The following SH3TC2 variants were observed in gnomAD, a reference collection of about 807,000 sequenced individuals.
SH3TC2 encodes SH3 domain and tetratricopeptide repeats 2.
A neutral mutation model predicts 124.5 loss-of-function variants in SH3TC2; 87 were observed. That is an observed-to-expected ratio of 0.70 (90% CI 0.59 to 0.84). The LOEUF is 0.84. Among genes scored for constraint, SH3TC2 ranks in the 40% least tolerant of loss-of-function variants. SH3TC2 has a pLI of 0.00. For missense variants in SH3TC2, 1,536 were observed against 1,566.4 expected, an observed-to-expected ratio of 0.98 and a Z score of 0.33; for synonymous variants, 634 against 628.5, an observed-to-expected ratio of 1.01 and a Z score of -0.13.
intron 8 of SH3TC2, among the ~76,000 whole-genome samples, chr5:149,037,805 A>G (rs1345002370): frequency 6.6e-6 from 1 of 152,160 alleles, no homozygotes. Flanking sequence ...AAGGCAGAAA[A>G]GAGTAAGAGA....
rs2127396644 is a variant in SH3TC2 at position 149,025,838 on chromosome 5, A to T, written c.3053+734T>A. ...AGGATTTTTAAGGTAGTCCTAAAAA[A>T]TCAATCACAAAACAAAGAATGCTCC... On this transcript the variant is annotated intron_variant, in intron 12 of 16. Transcript: ENST00000515425. The T allele has an allele frequency of 1.3e-5, 2 of 152,388 alleles. 1 individual carries two copies. The highest frequency in any genetic ancestry group is 4.1e-4 in the South Asian group (2 of 4,830). The allele number at this position is 152,388 out of a possible 1,614,324, so 9.4% of individuals were successfully genotyped here. A position where few individuals can be genotyped will look rare whatever the true frequency, so the allele number is the denominator to read the frequency against.
At chr5:149,050,104 G>T (rs1347049749) in intron 2 of SH3TC2, among the ~76,000 whole-genome samples, 2 of 152,136 alleles carry the variant, frequency 1.3e-5, no homozygotes, top group African/African-American at 4.8e-5. Flanking sequence ...CCATGCACAT[G>T]AATCTATGTA....
In SH3TC2 at chr5:149,041,612, A is replaced by C. The variant is rs1754373983; in HGVS notation, c.535T>G (p.Phe179Val). The C allele has an allele frequency of 6.2e-7, 1 of 1,614,182 alleles. No homozygotes were observed. The change falls in exon 6 of 17, where the codon TTC becomes GTC. Residue 179 changes from phenylalanine (F) to valine (V), a missense_variant. Coordinates refer to ENST00000515425, the MANE Select transcript of SH3TC2 (RefSeq NM_024577.4). ...ACGGAGCACAGGGCTCTGCAGAAGA[A>C]GTGGCCTGTGGATAATGAGAAAAGC... is the stretch of plus-strand genomic sequence containing the variant. ...YLGLLIQEGHFFCRALCSVTP... is the reference protein window; with the variant it reads ...YLGLLIQEGHVFCRALCSVTP...
At position 149,027,923 on chromosome 5, in the gene SH3TC2, AG is replaced by A; in HGVS notation, c.1808del (p.Pro603LeufsTer42). 1 of 1,614,078 alleles carries A rather than the reference AG, an allele frequency of 6.2e-7. No homozygotes were observed. The highest frequency in any genetic ancestry group is 1.3e-5 in the African/African-American group (1 of 75,068). On this transcript the variant is annotated frameshift_variant, in exon 11 of 17. Transcript: ENST00000515425. LOFTEE classifies it high-confidence loss of function. ...EKAGALLACL[P>X]DRESSAKHEL... Reference sequence around the variant, plus strand: ...CATGCTTGGCACTAGACTCACGGTCAGGCAGGCAGGCCAGCAGGGCACCTGC... The same window carrying A: ...CATGCTTGGCACTAGACTCACGGTCAGCAGGCAGGCCAGCAGGGCACCTGC...
At chr5:149,008,754 C>T (rs1753733051) in intron 15 of SH3TC2, 97 bp downstream of exon 15, 3 of 1,550,850 alleles carry the variant, frequency 1.9e-6, no homozygotes, top group Non-Finnish European at 2.7e-6. Flanking sequence ...TGAACCCACA[C>T]AGTCTGACTC....
At chr5:149,058,679 AGCTT>A (rs1754693130) in intron 1 of SH3TC2, among the ~76,000 whole-genome samples, 1 of 151,836 alleles carries the variant, frequency 6.6e-6, no homozygotes, top group Non-Finnish European at 1.5e-5. Flanking sequence ...GGTGGGAATG[AGCTT>A]TGTACATACA....
At chr5:149,034,755 A>T (rs1462116695) in intron 8 of SH3TC2, among the ~76,000 whole-genome samples, 1 of 152,194 alleles carries the variant, frequency 6.6e-6, no homozygotes, top group Non-Finnish European at 1.5e-5. Context: ...TCATTAATGA[A>T]GTATCATTAT....
rs1369937846 is a variant in SH3TC2, at chr5:149,004,890, C to T, written c.3688G>A (p.Ala1230Thr). 2 of 1,614,068 alleles carry T rather than the reference C, an allele frequency of 1.2e-6. No individual in the cohort carries two copies. Among genetic ancestry groups the T allele is most frequent in the South Asian group, 1.1e-5 (1 of 91,088 alleles). Residue 1230 changes from alanine (A) to threonine (T), a missense_variant, in exon 17 of 17, where the codon GCC (alanine) becomes ACC (threonine). Ala to Thr is a moderately conservative substitution (Grantham distance 58). This residue lies in a region of SH3TC2 where 426 missense variants were observed against 443.5 expected (regional missense o/e 0.96). Coordinates refer to ENST00000515425, the MANE Select transcript of SH3TC2 (RefSeq NM_024577.4). Reference sequence around the variant, plus strand: ...AGGGCCAGAAGGAAGTACTCAGTGGCATCATGGGCATCCTAACCCCGTGGT... The same window carrying T: ...AGGGCCAGAAGGAAGTACTCAGTGGTATCATGGGCATCCTAACCCCGTGGT... ...TFCQLKDAHD[A>T]TEYFLLALAA... is the part of the protein sequence containing the mutation.
chr5:149,028,241 G>C lies in SH3TC2; in HGVS notation c.1491C>G (p.Ser497=). The C allele has an allele frequency of 6.2e-7, 1 of 1,614,036 alleles. No homozygotes were observed. The highest frequency in any genetic ancestry group is 1.1e-5 in the South Asian group (1 of 91,078). ...CATCCTCCTCAGAGAAGCTATAAAA[G>C]GAAGAAGTGAGGAAAGAGAAGGAGA... ...YDFSFSFLTS[S]FYSFSEEDEF... The change falls in exon 11 of 17, where the codon TCC becomes TCG. Residue 497 remains serine (S), a synonymous_variant. Transcript: ENST00000515425.
rs779889744 is a variant in SH3TC2, at chr5:148,984,754, AT to A, written c.*19956del. ...GAGCTGTGCTTGGTGCTGTAAACAA[AT>A]TTGTTCCCAGTATCTGACCTAAGAG... On this transcript the variant is annotated 3_prime_UTR_variant, in exon 17 of 17. Coordinates refer to ENST00000515425, the MANE Select transcript of SH3TC2 (RefSeq NM_024577.4). Among the ~76,000 whole-genome samples the A allele has an allele frequency of 3.6e-4, 55 of 152,262 alleles. 1 individual carries two copies. In the Middle Eastern group the frequency reaches 0.01, roughly 28 times the overall value.
At position 148,988,965 on chromosome 5, in the gene SH3TC2, G is replaced by C. The variant is rs917070032; in HGVS notation, c.*15746C>G. ...TCACTCAAAATGTTTCCCTTATCTG[G>C]TCTAGTTGTGCCCTACTGAGCCCAG... On this transcript the variant is annotated 3_prime_UTR_variant, in exon 17 of 17. Transcript: ENST00000515425. Among the ~76,000 whole-genome samples, 23 of 151,986 alleles carry C rather than the reference G, an allele frequency of 1.5e-4. No homozygotes were observed. The highest frequency in any genetic ancestry group is 5.1e-4 in the African/African-American group (21 of 41,358).
intron 1 of SH3TC2, among the ~76,000 whole-genome samples, chr5:149,056,216 G>A (rs910438265): frequency 6.6e-6 from 1 of 152,030 alleles, no homozygotes; most frequent in Non-Finnish European, 1.5e-5. Flanking sequence ...AGCCAGGTAT[G>A]AAGCTCAGTA....
At chr5:149,062,646 G>T (rs113231144) in intron 1 of SH3TC2, among the ~76,000 whole-genome samples, 2 of 152,296 alleles carry the variant, frequency 1.3e-5, no homozygotes, top group African/African-American at 4.8e-5. Context: ...CTTTCTTCCT[G>T]TCCTGGGGGG....
At chr5:149,013,393 C>G (rs771778136) in intron 12 of SH3TC2, among the ~76,000 whole-genome samples, 4 of 152,180 alleles carry the variant, frequency 2.6e-5, no homozygotes, top group Non-Finnish European at 5.9e-5. Context: ...CCTCCCCAGC[C>G]ATATGGAACT....
intron 12 of SH3TC2, among the ~76,000 whole-genome samples, chr5:149,016,095 T>C (rs555150193): frequency 6.6e-6 from 1 of 152,344 alleles, no homozygotes; most frequent in African/African-American, 2.4e-5. Flanking sequence ...CTGACATCTA[T>C]TGAGCACTTA....
chr5:148,990,146 G>A lies in SH3TC2; in HGVS notation c.*14565C>T, dbSNP rs1260054930. Among the ~76,000 whole-genome samples, 7 of 152,008 alleles carry A rather than the reference G, an allele frequency of 4.6e-5. No homozygotes were observed. On this transcript the variant is annotated 3_prime_UTR_variant, in exon 17 of 17. Transcript: ENST00000515425. ...TAGGTTTCATGATGGTATGCTCTGG[G>A]TGCGCTAGGCTACTCTGTTTTGTTC...
chr5:149,004,763 C>T lies in SH3TC2; in HGVS notation c.3815G>A (p.Gly1272Glu), dbSNP rs1753656541. 1 of 1,614,060 alleles carries T rather than the reference C, an allele frequency of 6.2e-7. No individual in the cohort carries two copies. Among genetic ancestry groups the T allele is most frequent in the Non-Finnish European group, 8.5e-7 (1 of 1,180,024 alleles). ...CCACCGCGCCCTCTCTGAGGAGCAC[C>T]CGGAGGGCCTGCTGTGCCACAGGGG... ...QSPLWHSRPS[G>E]CSSERARWLS... Residue 1272 changes from glycine (G) to glutamate (E), a missense_variant, in exon 17 of 17, where the codon GGG becomes GAG. By Grantham distance (98) the Gly-to-Glu change is moderately conservative (BLOSUM62 -2). Transcript: ENST00000515425.
rs1222947024 is a variant in SH3TC2 at position 149,031,534 on chromosome 5, G to A, written c.1135+20C>T. ...TTGAGGACCCCAGGCTTTTGAAGGT[G>A]TCTGAGGACCAACACTCACTGAGCC... On this transcript the variant is annotated intron_variant, in intron 9 of 16. Transcript: ENST00000515425. 6.2e-7 allele frequency: 1 copy of A among 1,614,110 alleles called. No individual in the cohort carries two copies. The highest frequency in any genetic ancestry group is 1.1e-5 in the South Asian group (1 of 91,076).
Position 149,052,193 on chromosome 5 carries a change from C to CTATA in SH3TC2, c.96_99dup (p.Ala34TyrfsTer5), listed in dbSNP as rs1168949722. The CTATA allele has an allele frequency of 2.5e-6, 4 of 1,613,624 alleles. No homozygotes were observed. In the African/African-American group the frequency reaches 5.3e-5, roughly 22 times the overall value. ...CATTTTTCCTTGTATTCAGATGAGG[C>CTATA]TATACACTCACTCGATACAGTTGGA... On this transcript the variant is annotated frameshift_variant, in exon 2 of 17. Coordinates refer to ENST00000515425, the MANE Select transcript of SH3TC2 (RefSeq NM_024577.4). LOFTEE classifies it high-confidence loss of function.
Sources: allele counts gnomAD v4.1 joint callset (sites outside exome capture counted in the v4.1 genomes callset), GRCh38; gene constraint gnomAD v4.1.1; regional missense constraint gnomAD v4.1.1; transcripts MANE v1.5; gene names NCBI Gene and HGNC (gene_info 2026-07-23, HGNC 2026-07-21).